ZFPM1: variants seen among roughly 807,000 people sequenced by gnomAD.
The protein encoded by ZFPM1 is zinc finger protein, FOG family member 1.
In ZFPM1, 28 loss-of-function variants were observed where a neutral mutation model predicts 46.3. The ratio of observed to expected loss-of-function variants is 0.60; its 90% CI spans 0.45 to 0.83. ZFPM1 has a LOEUF of 0.83. ZFPM1 is among the 40% of genes least tolerant of loss of function. The probability of loss-of-function intolerance (pLI) is 0.00; values close to 1 mark genes in which losing one functional copy is unlikely to be tolerated. For missense variants in ZFPM1, 1,878 were observed against 1,432.4 expected, an observed-to-expected ratio of 1.31 and a Z score of -5.02; for synonymous variants, 957 against 675.9, an observed-to-expected ratio of 1.42 and a Z score of -6.45.
chr16:88,481,553 T>C (rs1908940997), intron 1 of ZFPM1, among the ~76,000 whole-genome samples: 1 of 152,170 alleles, frequency 6.6e-6, no homozygotes, highest in Admixed American at 6.5e-5. Context: ...TGGGATGTGG[T>C]TGGCGAGTGG....
intron 4 of ZFPM1, among the ~76,000 whole-genome samples, chr16:88,520,382 G>C (rs935251591): frequency 2.0e-5 from 3 of 151,540 alleles, no homozygotes; most frequent in African/African-American, 7.3e-5. Flanking sequence ...TGAGTGGATG[G>C]ATAGATGGAT....
chr16:88,481,175 C>T (rs554240290), intron 1 of ZFPM1, among the ~76,000 whole-genome samples: 1 of 152,340 alleles, frequency 6.6e-6, no homozygotes, highest in East Asian at 1.9e-4. Context: ...GGGCTCCGGG[C>T]ACCACAGGGG....
Position 88,534,393 on chromosome 16 carries a change from C to A in ZFPM1, c.2435C>A (p.Ala812Glu), listed in dbSNP as rs1375180564. The A allele has an allele frequency of 1.6e-5, 23 of 1,471,756 alleles. No individual in the cohort carries two copies. Among genetic ancestry groups the A allele is most frequent in the Non-Finnish European group, 1.6e-5 (18 of 1,117,686 alleles). The allele number at this position is 1,471,756 out of a possible 1,614,324, so 91.2% of individuals were successfully genotyped here. The stretch of plus-strand genomic sequence containing the variant: ...CCGCTCCCCGGAGCCCCGGCACCGG[C>A]GCTGGCCGACTACCACGAGTGCACG... ...RRPLPGAPAP[A>E]LADYHECTAC... is the part of the protein sequence containing the mutation. Residue 812 changes from alanine (A) to glutamate (E), a missense_variant, in exon 10 of 10, where the codon GCG (alanine) becomes GAG (glutamate). By Grantham distance (107) the Ala-to-Glu change is moderately radical (BLOSUM62 -1). Coordinates refer to ENST00000319555, the MANE Select transcript of ZFPM1 (RefSeq NM_153813.3).
At chr16:88,525,170 T>A (rs1912214841) in intron 4 of ZFPM1, among the ~76,000 whole-genome samples, 1 of 152,228 alleles carries the variant, frequency 6.6e-6, no homozygotes, top group Non-Finnish European at 1.5e-5. Context: ...CATACGGGTC[T>A]GGTCGTGCCC....
intron 1 of ZFPM1, among the ~76,000 whole-genome samples, chr16:88,468,506 C>T (rs1022384027): frequency 3.3e-5 from 5 of 152,094 alleles, no homozygotes; most frequent in South Asian, 2.1e-4. Context: ...CTTGGCTGTA[C>T]GACCTTGGAC....
In ZFPM1 at chr16:88,534,239, G is replaced by T; in HGVS notation, c.2281G>T (p.Gly761Cys). The T allele has an allele frequency of 3.4e-5, 27 of 792,474 alleles. No homozygotes were observed. Among genetic ancestry groups the T allele is most frequent in the Non-Finnish European group, 4.0e-5 (27 of 670,762 alleles). The allele number at this position is 792,474 out of a possible 1,614,324, so 49.1% of individuals were successfully genotyped here. The stretch of plus-strand genomic sequence containing the variant: ...CGGCGCCCCGCCCCCCCCGCCGCCC[G>T]GCCACGCCCCCGCGCCCGAGTCGCC... The part of the protein sequence containing the change: ...AAGAPPPPPP[G>C]HAPAPESPRP... The change falls in exon 10 of 10, where the codon GGC becomes TGC. Residue 761 changes from glycine (G) to cysteine (C), a missense_variant. Transcript: ENST00000319555.
Position 88,497,378 on chromosome 16 carries a change from G to A in ZFPM1, c.268+8225G>A, listed in dbSNP as rs2142392716. 6.6e-6 allele frequency among the ~76,000 whole-genome samples: 1 copy of A among 151,002 alleles called. No homozygotes were observed. The highest frequency in any genetic ancestry group is 2.1e-4 in the South Asian group (1 of 4,744). On this transcript the variant is annotated intron_variant, in intron 3 of 9. Transcript: ENST00000319555. The surrounding 1 kb of genome is among the most constrained non-coding windows in gnomAD (Gnocchi z 5.4). ...AGTTTCAAGTGGTCAGTGGTGGCTGGAACATCAGGGCCCGGGCGGGGATGG... is the reference window on the plus strand; with the variant it reads ...AGTTTCAAGTGGTCAGTGGTGGCTGAAACATCAGGGCCCGGGCGGGGATGG...
At chr16:88,508,306 GAAAGA>G (rs1239322941) in intron 3 of ZFPM1, among the ~76,000 whole-genome samples, 1 of 152,044 alleles carries the variant, frequency 6.6e-6, no homozygotes, top group Non-Finnish European at 1.5e-5. Context: ...CAAAAAAAAA[GAAAGA>G]AAAGAAGTTG....
chr16:88,505,399 G>C (rs1158836935), intron 3 of ZFPM1, among the ~76,000 whole-genome samples: 2 of 152,210 alleles, frequency 1.3e-5, no homozygotes, highest in African/African-American at 4.8e-5. Flanking sequence ...CAGGTCCACG[G>C]TGTCCCAGTG....
At chr16:88,460,921 GC>G (rs1907795872) in intron 1 of ZFPM1, among the ~76,000 whole-genome samples, 3 of 49,222 alleles carry the variant, frequency 6.1e-5, no homozygotes, top group South Asian at 9.0e-4. Context: ...GGACCGAGGG[GC>G]GGGGCGGGAG....
chr16:88,475,518 G>GGC (rs1555523507), intron 1 of ZFPM1, among the ~76,000 whole-genome samples: 2 of 151,928 alleles, frequency 1.3e-5, no homozygotes, highest in African/African-American at 4.8e-5. Context: ...GGGTCCGGGG[G>GGC]GGGGAGCACA....
intron 3 of ZFPM1, among the ~76,000 whole-genome samples, chr16:88,506,897 G>A (rs1028487546): frequency 5.3e-5 from 8 of 152,202 alleles, no homozygotes; most frequent in African/African-American, 9.7e-5. Context: ...CGTCTCATCC[G>A]CCTGCGGCTC....
chr16:88,466,847 C>T (rs1908156905), intron 1 of ZFPM1, among the ~76,000 whole-genome samples: 1 of 152,162 alleles, frequency 6.6e-6, no homozygotes, highest in African/African-American at 2.4e-5. Context: ...TCAGTTTCCT[C>T]ACTTGTATCA....
chr16:88,496,749 G>C (rs901079519), intron 3 of ZFPM1, among the ~76,000 whole-genome samples: 1 of 152,142 alleles, frequency 6.6e-6, no homozygotes, highest in Non-Finnish European at 1.5e-5. Context: ...TCATGTACAC[G>C]GGGCTTGAGG....
At chr16:88,468,205 C>T (rs1278831219) in intron 1 of ZFPM1, among the ~76,000 whole-genome samples, 1 of 149,138 alleles carries the variant, frequency 6.7e-6, no homozygotes, top group East Asian at 2.0e-4. Flanking sequence ...GCCCCTCAAG[C>T]ACCCGCGAGC....
chr16:88,527,044 G>A, intron 5 of ZFPM1, 128 bp downstream of exon 5: 1 of 1,407,334 alleles, frequency 7.1e-7, no homozygotes, highest in East Asian at 2.5e-5. Context: ...GGAGCTGCTG[G>A]CCCCGGGCGC....
chr16:88,512,077 C>T (rs980033306), intron 3 of ZFPM1, among the ~76,000 whole-genome samples: 1 of 152,268 alleles, frequency 6.6e-6, no homozygotes, highest in African/African-American at 2.4e-5. Context: ...GTGTGATACC[C>T]ATACCCAGAA....
At chr16:88,513,901 C>G (rs112657035) in intron 3 of ZFPM1, among the ~76,000 whole-genome samples, 1 of 152,208 alleles carries the variant, frequency 6.6e-6, no homozygotes, top group Non-Finnish European at 1.5e-5. Flanking sequence ...TAGAAAGATA[C>G]TTGTCATTGG....
intron 1 of ZFPM1, among the ~76,000 whole-genome samples, chr16:88,466,840 G>T (rs1341666385): frequency 2.0e-5 from 3 of 152,130 alleles, no homozygotes; most frequent in Non-Finnish European, 4.4e-5. Flanking sequence ...CAGCCTCTCA[G>T]TTTCCTCACT....
Sources: allele counts gnomAD v4.1 joint callset (sites outside exome capture counted in the v4.1 genomes callset), GRCh38; gene constraint gnomAD v4.1.1; non-coding constraint Gnocchi (gnomAD v3.1); transcripts MANE v1.5; gene names NCBI Gene and HGNC (gene_info 2026-07-23, HGNC 2026-07-21).